Variants in OLFML3 observed in about 807,000 individuals in gnomAD.
The protein encoded by OLFML3 is olfactomedin like 3, also known as olfactomedin-like protein 3.
Under a neutral mutation model 36.0 loss-of-function variants are expected in OLFML3, and 26 were observed. The observed-to-expected ratio is 0.72, with a 90% CI of 0.53 to 1.00. The LOEUF (loss-of-function observed/expected upper bound fraction) is 1.00. Ranked by LOEUF, OLFML3 falls within the 50% of genes least tolerant of loss-of-function variation. The pLI, the probability that OLFML3 is intolerant of heterozygous loss-of-function variation, is 0.00. For synonymous variants in OLFML3, 184 were observed against 201.2 expected, an observed-to-expected ratio of 0.91 and a Z score of 0.72; for missense variants, 503 against 519.4, an observed-to-expected ratio of 0.97 and a Z score of 0.31.
intron 1 of OLFML3, chr1:113,979,946 G>C (rs980530154): frequency 1.4e-6 from 2 of 1,429,224 alleles, no homozygotes; most frequent in Admixed American, 2.9e-5. Context: ...GGTTCCCGGG[G>C]AATCTATAAC....
chr1:113,979,907 GAGA>G (rs1673344178), intron 1 of OLFML3: 7 of 1,404,760 alleles, frequency 5.0e-6, no homozygotes, highest in Non-Finnish European at 6.5e-6. Context: ...TGCATCTCCA[GAGA>G]AGGTGATGAT....
Position 113,980,326 on chromosome 1 carries a change from C to T in OLFML3, c.115-6C>T. The stretch of plus-strand genomic sequence containing the variant: ...CAGCCTCCCTCCTGATCCCCCATCC[C>T]TTCAGGAACGGCTGGCCCAGTGCCA... On this transcript the variant is annotated splice_polypyrimidine_tract_variant and splice_region_variant and intron_variant, in intron 1 of 2. Transcript: ENST00000320334. 6.5e-7 allele frequency: 1 copy of T among 1,545,710 alleles called. No individual in the cohort carries two copies. Among genetic ancestry groups the T allele is most frequent in the Non-Finnish European group, 8.7e-7 (1 of 1,145,254 alleles).
chr1:113,981,368 A>T lies in OLFML3; in HGVS notation c.820A>T (p.Ile274Phe). 1 of 1,608,476 alleles carries T rather than the reference A, an allele frequency of 6.2e-7. No individual in the cohort carries two copies. The highest frequency in any genetic ancestry group is 1.1e-5 in the South Asian group (1 of 89,902). The change falls in exon 3 of 3, where the codon ATC (isoleucine) becomes TTC (phenylalanine). Residue 274 changes from isoleucine (I) to phenylalanine (F), a missense_variant. By Grantham distance (21) the Ile-to-Phe change is conservative (BLOSUM62 0). Coordinates refer to ENST00000320334, the MANE Select transcript of OLFML3 (RefSeq NM_020190.5). ...CTACGGCTTGACAGCAGACACCTAC[A>T]TCGACCTGGCAGCTGATGAGGAAGG... Reference protein sequence around the residue: ...PPYGLTADTYIDLAADEEGLW... With the variant: ...PPYGLTADTYFDLAADEEGLW...
intron 1 of OLFML3, 88 bp from the exon 2 acceptor site, chr1:113,980,244 T>A: frequency 6.6e-7 from 1 of 1,524,754 alleles, no homozygotes; most frequent in Non-Finnish European, 8.8e-7. Context: ...TTTGCTCTTT[T>A]TTTCCCATTC....
Position 113,981,204 on chromosome 1 carries a change from T to G in OLFML3, c.656T>G (p.Leu219Arg). ...GGGCAGCTGGTATATGGTGGCTTTC[T>G]TTATTTTGCTCGGAGGCCTCCTGGA... ...GTGQLVYGGFLYFARRPPGRP... is the reference protein window; with the variant it reads ...GTGQLVYGGFRYFARRPPGRP... The change falls in exon 3 of 3, where the codon CTT becomes CGT. Residue 219 changes from leucine to arginine, a missense_variant. Physicochemically the swap from Leu to Arg is moderately radical, Grantham distance 102. Transcript: ENST00000320334. The G allele has an allele frequency of 6.2e-7, 1 of 1,614,194 alleles. No homozygotes were observed.
chr1:113,980,084 G>A (rs1340945283), intron 1 of OLFML3: 1 of 1,550,206 alleles, frequency 6.5e-7, no homozygotes, highest in South Asian at 1.2e-5. Flanking sequence ...TGGCTCAGTG[G>A]CACTGCTCAC....
In OLFML3 at chr1:113,981,495, G is replaced by A. The variant is rs1407679423; in HGVS notation, c.947G>A (p.Cys316Tyr). The change falls in exon 3 of 3, where the codon TGT (cysteine) becomes TAT (tyrosine). Residue 316 changes from cysteine (C) to tyrosine (Y), a missense_variant. Cys to Tyr is a radical substitution (Grantham distance 194). Coordinates refer to ENST00000320334, the MANE Select transcript of OLFML3 (RefSeq NM_020190.5). ...ACAGAGCAGCAGTGGGACACACCAT[G>A]TCCCAGAGAGAATGCTGAGGCTGCC... The part of the protein sequence containing the change: ...LDTEQQWDTP[C>Y]PRENAEAAFV... 1 of 1,614,150 alleles carries A rather than the reference G, an allele frequency of 6.2e-7. No homozygotes were observed. The highest frequency in any genetic ancestry group is 1.1e-5 in the South Asian group (1 of 91,082).
Position 113,981,487 on chromosome 1 carries a change from C to T in OLFML3, c.939C>T (p.Asp313=), listed in dbSNP as rs567276603. Residue 313 remains aspartate, a synonymous_variant, in exon 3 of 3, where the codon GAC becomes GAT. Transcript: ENST00000320334. ...CACTGGACACAGAGCAGCAGTGGGA[C>T]ACACCATGTCCCAGAGAGAATGCTG... The part of the protein sequence containing the change: ...PQTLDTEQQW[D]TPCPRENAEA... The T allele has an allele frequency of 6.2e-7, 1 of 1,614,096 alleles. No individual in the cohort carries two copies. Among genetic ancestry groups the T allele is most frequent in the East Asian group, 2.2e-5 (1 of 44,870 alleles).
intron 1 of OLFML3, chr1:113,979,837 A>G: frequency 9.5e-7 from 1 of 1,049,896 alleles, no homozygotes; most frequent in South Asian, 1.8e-5. Context: ...TTTGCGTTTT[A>G]CCTCTGGGAT....
At chr1:113,980,297 C>T in intron 1 of OLFML3, 35 bp from the exon 2 acceptor site, 2 of 1,528,168 alleles carry the variant, frequency 1.3e-6, no homozygotes, top group Non-Finnish European at 1.8e-6. Flanking sequence ...GAGTTGTAAC[C>T]CTGCAGCCTC....
In OLFML3 at chr1:113,981,645, C is replaced by T; in HGVS notation, c.1097C>T (p.Pro366Leu). Residue 366 changes from proline to leucine, a missense_variant, in exon 3 of 3, where the codon CCC becomes CTC. Transcript: ENST00000320334. ...GAACGGGCAGCACTCCCTTATTTTCCCCGCAGATATGGTGCCCATGCCAGC... is the reference window on the plus strand; with the variant it reads ...GAACGGGCAGCACTCCCTTATTTTCTCCGCAGATATGGTGCCCATGCCAGC... ...TPERAALPYF[P>L]RRYGAHASLR... 6.2e-7 allele frequency: 1 copy of T among 1,614,036 alleles called. No homozygotes were observed. The highest frequency in any genetic ancestry group is 8.5e-7 in the Non-Finnish European group (1 of 1,180,000).
chr1:113,980,621 A>G lies in OLFML3; in HGVS notation c.400+4A>G. ...GAGAAGTACGATATGGTGACAGGTA[A>G]ATAATCTGAAAGCAGGCCCCTAACT... On this transcript the variant is annotated splice_donor_region_variant and intron_variant, in intron 2 of 2. Transcript: ENST00000320334. The G allele has an allele frequency of 6.4e-7, 1 of 1,565,992 alleles. No individual in the cohort carries two copies. Among genetic ancestry groups the G allele is most frequent in the East Asian group, 2.3e-5 (1 of 44,390 alleles).
In OLFML3 at chr1:113,981,128, G is replaced by A. The variant is rs753792173; in HGVS notation, c.580G>A (p.Ala194Thr). The change falls in exon 3 of 3, where the codon GCT becomes ACT. Residue 194 changes from alanine to threonine, a missense_variant. Coordinates refer to ENST00000320334, the MANE Select transcript of OLFML3 (RefSeq NM_020190.5). ...GCTGCGTGACTTCACCCTTGCCATG[G>A]CTGCCCGGAAAGCTTCCCGAGTCCG... Reference protein sequence around the residue: ...PRLRDFTLAMAARKASRVRVP... With the variant: ...PRLRDFTLAMTARKASRVRVP... The A allele has an allele frequency of 6.2e-7, 1 of 1,614,178 alleles. No homozygotes were observed. Among genetic ancestry groups the A allele is most frequent in the South Asian group, 1.1e-5 (1 of 91,064 alleles).
In OLFML3 at chr1:113,981,117, C is replaced by A; in HGVS notation, c.569C>A (p.Thr190Asn). 1 of 1,614,106 alleles carries A rather than the reference C, an allele frequency of 6.2e-7. No individual in the cohort carries two copies. The highest frequency in any genetic ancestry group is 8.5e-7 in the Non-Finnish European group (1 of 1,179,974). The change falls in exon 3 of 3, where the codon ACC (threonine) becomes AAC (asparagine). Residue 190 changes from threonine to asparagine, a missense_variant. Transcript: ENST00000320334. ...AFVFPRLRDF[T>N]LAMAARKASR... is the part of the protein sequence containing the mutation. ...GTCTTCCCAAGGCTGCGTGACTTCA[C>A]CCTTGCCATGGCTGCCCGGAAAGCT...
intron 1 of OLFML3, chr1:113,980,123 C>T (rs898865523): frequency 8.4e-6 from 13 of 1,549,722 alleles, no homozygotes; most frequent in African/African-American, 5.5e-5. Context: ...GACATGGAGT[C>T]GGGGTAGGGG....
rs1291521292 is a variant in OLFML3 at position 113,979,610 on chromosome 1, C to T, written c.94C>T (p.Arg32Cys). 2.5e-6 allele frequency: 4 copies of T among 1,612,946 alleles called. No homozygotes were observed. The highest frequency in any genetic ancestry group is 2.2e-5 in the East Asian group (1 of 44,876). The change falls in exon 1 of 3, where the codon CGC becomes TGC. Residue 32 changes from arginine (R) to cysteine (C), a missense_variant. Physicochemically the swap from Arg to Cys is radical, Grantham distance 180 (BLOSUM62 -3). Transcript: ENST00000320334. ...QQHHLVEYME[R>C]RLAALEERLA... is the part of the protein sequence containing the mutation. Reference sequence around the variant, plus strand: ...GCACCACCTTGTGGAGTACATGGAACGCCGACTAGCTGCTTTAGAGGTGAG... The same window carrying T: ...GCACCACCTTGTGGAGTACATGGAATGCCGACTAGCTGCTTTAGAGGTGAG...
Position 113,981,909 on chromosome 1 carries a change from T to G in OLFML3, c.*140T>G, listed in dbSNP as rs898501004. The G allele has an allele frequency of 1.4e-6, 1 of 726,530 alleles. No homozygotes were observed. Among genetic ancestry groups the G allele is most frequent in the African/African-American group, 1.8e-5 (1 of 56,154 alleles). The allele number at this position is 726,530 out of a possible 1,614,324, so 45.0% of individuals were successfully genotyped here. ...ATATTTTTAGCCAATGGCAATCAAA[T>G]TCTTTCAGCTCCTTTGTTTCATACG... On this transcript the variant is annotated 3_prime_UTR_variant, in exon 3 of 3. Transcript: ENST00000320334.
Position 113,981,328 on chromosome 1 carries a change from G to C in OLFML3, c.780G>C (p.Glu260Asp), listed in dbSNP as rs1156674075. 1.9e-6 allele frequency: 3 copies of C among 1,598,974 alleles called. No individual in the cohort carries two copies. The highest frequency in any genetic ancestry group is 2.6e-6 in the Non-Finnish European group (3 of 1,171,984). ...TVVDSSVFPA[E>D]GLIPPYGLTA... ...TGGACAGCTCAGTATTCCCAGCAGA[G>C]GGGCTGATCCCCCCCTACGGCTTGA... Residue 260 changes from glutamate to aspartate, a missense_variant, in exon 3 of 3, where the codon GAG becomes GAC. Physicochemically the swap from Glu to Asp is conservative, Grantham distance 45. Transcript: ENST00000320334.
intron 2 of OLFML3, 128 bp from the exon 3 acceptor site, chr1:113,980,821 C>T (rs187964720): frequency 9.7e-7 from 1 of 1,027,492 alleles, no homozygotes; most frequent in Non-Finnish European, 1.4e-6. Context: ...TTTCTCAATT[C>T]TCCCTAAGAT....
Sources: allele counts gnomAD v4.1 joint callset, GRCh38; gene constraint gnomAD v4.1.1; transcripts MANE v1.5; gene names NCBI Gene and HGNC (gene_info 2026-07-23, HGNC 2026-07-21).